The following DMD variants were observed in gnomAD, a reference collection of about 807,000 sequenced individuals.
DMD encodes dystrophin.
In DMD, 63 loss-of-function variants were observed where a neutral mutation model predicts 330.1. That is an observed-to-expected ratio of 0.19 (90% CI 0.16 to 0.24). DMD has a LOEUF of 0.24. Ranked by LOEUF, DMD falls within the 10% of genes least tolerant of loss-of-function variation. DMD has a pLI of 1.00. For missense variants in DMD, 3,344 were observed against 2,684.1 expected (o/e 1.25, Z -5.43); for synonymous variants, 1,223 against 959.8 (o/e 1.27, Z -5.07).
intron 55 of DMD, among the ~76,000 whole-genome samples, chrX:31,582,973 A>G (rs2076406551): frequency 8.9e-6 from 1 of 112,527 alleles, no homozygotes; most frequent in African/African-American, 3.2e-5. Flanking sequence ...CTTCTGAAAT[A>G]GAGAATAGAG....
intron 7 of DMD, among the ~76,000 whole-genome samples, chrX:32,776,290 C>CA (rs1019708437): frequency 9.2e-6 from 1 of 108,952 alleles, no homozygotes; most frequent in African/African-American, 3.3e-5. Context: ...TGACCCCCCC[C>CA]CCAAATTGTT....
At chrX:31,691,184 A>T (rs1199266786) in intron 52 of DMD, among the ~76,000 whole-genome samples, 1 of 111,524 alleles carries the variant, frequency 9.0e-6, no homozygotes, top group Non-Finnish European at 1.9e-5. Context: ...CAAAGTGTTG[A>T]GTATATGCAC....
intron 1 of DMD, among the ~76,000 whole-genome samples, chrX:33,024,573 A>C (rs765165098): frequency 8.9e-6 from 1 of 112,221 alleles, no homozygotes; most frequent in Non-Finnish European, 1.9e-5. Flanking sequence ...ACCCCTTCTA[A>C]TAAAGTTATT....
At chrX:31,622,608 G>A (rs1415414236) in intron 55 of DMD, among the ~76,000 whole-genome samples, 2 of 109,369 alleles carry the variant, frequency 1.8e-5, no homozygotes, top group Non-Finnish European at 3.8e-5. Context: ...ACAGAGAGAA[G>A]GAAGCCATCT....
chrX:31,477,412 T>A (rs73450084), intron 59 of DMD, among the ~76,000 whole-genome samples: 1 of 111,901 alleles, frequency 8.9e-6, no homozygotes, highest in Non-Finnish European at 1.9e-5. Context: ...AATTTTAATC[T>A]AGGAGGATTT....
intron 12 of DMD, among the ~76,000 whole-genome samples, chrX:32,612,653 C>G (rs753076746): frequency 9.9e-5 from 11 of 111,092 alleles, no homozygotes; most frequent in Non-Finnish European, 1.9e-4. Flanking sequence ...TGTGCCACAT[C>G]GGAAAAGCGG....
chrX:32,534,721 C>T (rs538344752), intron 17 of DMD, among the ~76,000 whole-genome samples: 3 of 111,272 alleles, frequency 2.7e-5, no homozygotes, highest in African/African-American at 9.8e-5. Flanking sequence ...CTTATAAGGG[C>T]CCTAATCTCC....
chrX:32,432,886 CTCTCTGAGTCTATCATAAATGTT>C (rs1402716841), intron 29 of DMD, among the ~76,000 whole-genome samples: 1 of 112,132 alleles, frequency 8.9e-6, no homozygotes, highest in Non-Finnish European at 1.9e-5. Flanking sequence ...TAATACGGCC[CTCTCTGAGTCTATCATAAATGTT>C]ACTATTACAG....
At chrX:31,536,131 T>C (rs2073385053) in intron 55 of DMD, among the ~76,000 whole-genome samples, 1 of 111,889 alleles carries the variant, frequency 8.9e-6, no homozygotes, top group Middle Eastern at 4.3e-3. Flanking sequence ...TCTTGGCCTA[T>C]AATATCTATT....
chrX:32,609,344 A>G (rs767612711), intron 12 of DMD, among the ~76,000 whole-genome samples: 32 of 111,059 alleles, frequency 2.9e-4, no homozygotes, highest in Non-Finnish European at 5.7e-4. Flanking sequence ...TTAATTTCTC[A>G]TGAATAATGG....
At chrX:33,179,667 C>T (rs1359892991) in intron 1 of DMD, among the ~76,000 whole-genome samples, 1 of 104,343 alleles carries the variant, frequency 9.6e-6, no homozygotes, top group African/African-American at 3.6e-5. Context: ...GCACTCTAGC[C>T]TGGGTGACAG....
At chrX:32,118,517 C>CTGA (rs375573382) in intron 44 of DMD, among the ~76,000 whole-genome samples, 38 of 110,777 alleles carry the variant, frequency 3.4e-4, no homozygotes, top group African/African-American at 1.1e-3. Context: ...ATAACCAAAG[C>CTGA]TGATATTGCT....
intron 43 of DMD, among the ~76,000 whole-genome samples, chrX:32,221,236 C>A (rs2147897259): frequency 9.0e-6 from 1 of 111,236 alleles, no homozygotes; most frequent in South Asian, 3.7e-4. Flanking sequence ...ATACTTCGGT[C>A]TGGAAACTCA....
intron 60 of DMD, among the ~76,000 whole-genome samples, chrX:31,430,306 C>T (rs2063967441): frequency 9.0e-6 from 1 of 111,369 alleles, no homozygotes; most frequent in African/African-American, 3.3e-5. Flanking sequence ...TATCTTTCTT[C>T]CCCACACCCT....
At chrX:32,709,980 A>AC (rs1170898730) in intron 7 of DMD, among the ~76,000 whole-genome samples, 1 of 110,889 alleles carries the variant, frequency 9.0e-6, no homozygotes, top group East Asian at 2.8e-4. Flanking sequence ...CATGGTCTAC[A>AC]CCCCCTGAAT....
intron 44 of DMD, among the ~76,000 whole-genome samples, chrX:32,195,383 C>T (rs1024628332): frequency 1.8e-5 from 2 of 111,110 alleles, no homozygotes; most frequent in Non-Finnish European, 3.8e-5. Context: ...CAGTTAAGTC[C>T]GTAGAAATGG....
At chrX:31,672,476 T>C (rs1350770733) in intron 53 of DMD, among the ~76,000 whole-genome samples, 1 of 112,425 alleles carries the variant, frequency 8.9e-6, no homozygotes, top group African/African-American at 3.2e-5. Flanking sequence ...TGCCTAGTTC[T>C]TTTACCTGTT....
At chrX:32,984,243 C>G (rs2092785343) in intron 2 of DMD, among the ~76,000 whole-genome samples, 1 of 111,797 alleles carries the variant, frequency 8.9e-6, no homozygotes, top group Admixed American at 9.5e-5. Context: ...GTTATTTAAC[C>G]TCTGTGCTAT....
chrX:31,866,080 T>C (rs1327934536), intron 48 of DMD, among the ~76,000 whole-genome samples: 1 of 111,523 alleles, frequency 9.0e-6, no homozygotes, highest in Non-Finnish European at 1.9e-5. Context: ...CTCCCTAAGC[T>C]GGCTCATCTA....
Sources: allele counts gnomAD v4.1 joint callset (sites outside exome capture counted in the v4.1 genomes callset), GRCh38; gene constraint gnomAD v4.1.1; transcripts MANE v1.5; gene names NCBI Gene and HGNC (gene_info 2026-07-23, HGNC 2026-07-21).